Variants in TMEM178B observed in about 807,000 individuals in gnomAD.
TMEM178B encodes the protein transmembrane protein 178B.
Under a neutral mutation model 31.0 loss-of-function variants are expected in TMEM178B, and 5 were observed. The ratio of observed to expected loss-of-function variants is 0.16; its 90% CI spans 0.08 to 0.34. The LOEUF (loss-of-function observed/expected upper bound fraction) is 0.34, where lower values mean the gene tolerates loss of function less well. Among genes scored for constraint, TMEM178B ranks in the 10% least tolerant of loss-of-function variants. The pLI is 1.00. For synonymous variants in TMEM178B, 164 were observed against 164.0 expected, an observed-to-expected ratio of 1.00 and a Z score of 0.00; for missense variants, 275 against 400.3, an observed-to-expected ratio of 0.69 and a Z score of 2.67.
rs551567300 is a variant in TMEM178B, at chr7:141,094,177, GA to G, written c.382+19493del. Among the ~76,000 whole-genome samples the G allele has an allele frequency of 2.0e-5, 3 of 151,676 alleles. No individual in the cohort carries two copies. In the East Asian group the frequency reaches 5.8e-4, roughly 29 times the overall value. ...AGGGTTGAAGTAGGAAGGAAGGTGG[GA>G]AAAAAAAGATGGAAGGAAATGAACA... On this transcript the variant is annotated intron_variant, in intron 1 of 3. Coordinates refer to ENST00000565468, the MANE Select transcript of TMEM178B (RefSeq NM_001195278.2).
intron 2 of TMEM178B, chr7:141,431,030 G>C (rs937425590): frequency 2.0e-5 from 3 of 152,184 alleles, no homozygotes; most frequent in African/African-American, 7.2e-5. Flanking sequence ...CCATGGCTCT[G>C]CTGGCCTCCA....
rs1349238092 is a variant in TMEM178B, at chr7:141,475,607, C to G, written c.*4821C>G. ...CATGTGAGCAGTGTACACCACAGAA[C>G]CGCACTGGTCTGCGTTGAGTTGACC... On this transcript the variant is annotated 3_prime_UTR_variant, in exon 4 of 4. Transcript: ENST00000565468. 6.6e-6 allele frequency: 1 copy of G among 152,168 alleles called. No homozygotes were observed. The highest frequency in any genetic ancestry group is 2.4e-5 in the African/African-American group (1 of 41,428). 9.4% of individuals were successfully genotyped at this position (152,168 alleles called of 1,614,324 possible).
chr7:141,212,482 C>A, intron 1 of TMEM178B, 109 bp from the exon 2 acceptor site: 4 of 838,784 alleles, frequency 4.8e-6, no homozygotes, highest in South Asian at 1.6e-5. Context: ...TGTCACCAGG[C>A]CCAATATGAA....
At chr7:141,425,272 T>C (rs889238692) in intron 2 of TMEM178B, among the ~76,000 whole-genome samples, 1 of 152,148 alleles carries the variant, frequency 6.6e-6, no homozygotes, top group African/African-American at 2.4e-5. Context: ...AGGGTACCCA[T>C]GTGTTTTAAA....
chr7:141,462,080 A>G (rs557126098), intron 3 of TMEM178B, among the ~76,000 whole-genome samples: 1 of 152,280 alleles, frequency 6.6e-6, no homozygotes, highest in South Asian at 2.1e-4. Context: ...TGTCGTCACT[A>G]CAACACTACC....
intron 2 of TMEM178B, among the ~76,000 whole-genome samples, chr7:141,420,238 G>A (rs533395861): frequency 6.6e-6 from 1 of 151,804 alleles, no homozygotes; most frequent in Non-Finnish European, 1.5e-5. Flanking sequence ...CATGTAGTTT[G>A]TGTCTTTCTC....
rs752581703 is a variant in TMEM178B at position 141,422,055 on chromosome 7, C to T, written c.497-15553C>T. Among the ~76,000 whole-genome samples, 4 of 152,146 alleles carry T rather than the reference C, an allele frequency of 2.6e-5. No homozygotes were observed. The highest frequency in any genetic ancestry group is 4.4e-5 in the Non-Finnish European group (3 of 68,026). On this transcript the variant is annotated intron_variant, in intron 2 of 3. Transcript: ENST00000565468. This position sits in a 1 kb window ranked among gnomAD's most constrained non-coding sequence, Gnocchi z 4.2. ...TTTACATCTTCTCCCTTTCCCAGCT[C>T]GGGCTTGACATTTTCTTAGAAACCT... is the stretch of plus-strand genomic sequence containing the variant.
chr7:141,315,701 G>A (rs1798990281), intron 2 of TMEM178B, among the ~76,000 whole-genome samples: 1 of 151,882 alleles, frequency 6.6e-6, no homozygotes, highest in South Asian at 2.1e-4. Flanking sequence ...GCTCTTGAAG[G>A]CAAGAGCCTT....
Position 141,212,627 on chromosome 7 carries a change from A to G in TMEM178B, c.419A>G (p.Tyr140Cys). The G allele has an allele frequency of 6.5e-7, 1 of 1,535,712 alleles. No homozygotes were observed. Among genetic ancestry groups the G allele is most frequent in the Non-Finnish European group, 8.7e-7 (1 of 1,146,804 alleles). Residue 140 changes from tyrosine (Y) to cysteine (C), a missense_variant, in exon 2 of 4, where the codon TAC becomes TGC. Tyr to Cys is a radical substitution (Grantham distance 194, BLOSUM62 -2). Transcript: ENST00000565468. The part of the protein sequence containing the change: ...IERCTYIKYH[Y>C]SSATIPRNLT... ...CGATGTACGTACATCAAATACCACT[A>G]CTCCTCAGCAACCATCCCCAGGAAC...
chr7:141,099,301 G>A (rs1795014492), intron 1 of TMEM178B, among the ~76,000 whole-genome samples: 1 of 152,156 alleles, frequency 6.6e-6, no homozygotes, highest in Admixed American at 6.5e-5. Context: ...TGGAGACTAA[G>A]CTTTAGGGCA....
chr7:141,324,427 T>G lies in TMEM178B; in HGVS notation c.496+111723T>G, dbSNP rs1443699372. On this transcript the variant is annotated intron_variant, in intron 2 of 3. Coordinates refer to ENST00000565468, the MANE Select transcript of TMEM178B (RefSeq NM_001195278.2). ...GAGAGGAGACCAGGGTTTTTTTTTT[T>G]TTTTTTTTTTTTTTTTTTTTTTTTT... is the stretch of plus-strand genomic sequence containing the variant. Among the ~76,000 whole-genome samples, 10 of 51,448 alleles carry G rather than the reference T, an allele frequency of 1.9e-4. No homozygotes were observed. The East Asian group carries it at 2.8e-3, about 15-fold the overall frequency. 33.8% of individuals were successfully genotyped at this position (51,448 alleles called of 152,430 possible). A position where few individuals can be genotyped will look rare whatever the true frequency, so the allele number is the denominator to read the frequency against.
intron 1 of TMEM178B, among the ~76,000 whole-genome samples, chr7:141,156,486 T>G (rs1182001604): frequency 3.3e-5 from 5 of 152,170 alleles, no homozygotes; most frequent in Non-Finnish European, 5.9e-5. Context: ...GATTCAAAAA[T>G]GAAAAACGTC....
At chr7:141,179,187 A>G (rs1359441238) in intron 1 of TMEM178B, among the ~76,000 whole-genome samples, 1 of 152,238 alleles carries the variant, frequency 6.6e-6, no homozygotes, top group Non-Finnish European at 1.5e-5. Flanking sequence ...TAGAACTTGC[A>G]TAGCTTCTCT....
intron 2 of TMEM178B, among the ~76,000 whole-genome samples, chr7:141,310,185 C>T (rs1014336654): frequency 6.6e-6 from 1 of 152,052 alleles, no homozygotes; most frequent in African/African-American, 2.4e-5. Context: ...GCAATCTATC[C>T]ATCTGACAAA....
chr7:141,139,605 G>A (rs112869964), intron 1 of TMEM178B, among the ~76,000 whole-genome samples: 3,868 of 152,008 alleles, frequency 0.025, 175 homozygotes, highest in African/African-American at 0.089. Flanking sequence ...GCCTCCCAAA[G>A]TGCTGGGACT....
In TMEM178B at chr7:141,417,525, G is replaced by C. The variant is rs556105502; in HGVS notation, c.497-20083G>C. Among the ~76,000 whole-genome samples, 427 of 152,318 alleles carry C rather than the reference G, an allele frequency of 2.8e-3. 2 individuals carry two copies. The highest frequency in any genetic ancestry group is 9.6e-3 in the African/African-American group (399 of 41,572). On this transcript the variant is annotated intron_variant, in intron 2 of 3. Transcript: ENST00000565468. ...ATGAATGAATGAATGGGCACTAAGTGAGGGGTCCCACCCACGGTGATGCTA... is the reference window on the plus strand; with the variant it reads ...ATGAATGAATGAATGGGCACTAAGTCAGGGGTCCCACCCACGGTGATGCTA...
At position 141,246,672 on chromosome 7, in the gene TMEM178B, C is replaced by T. The variant is rs528049846; in HGVS notation, c.496+33968C>T. On this transcript the variant is annotated intron_variant, in intron 2 of 3. Coordinates refer to ENST00000565468, the MANE Select transcript of TMEM178B (RefSeq NM_001195278.2). ...TGTGGAGGCTGGAAAAGAGTGTGTG[C>T]AGGTAAGCAAAGGCGTAGAGGTGGG... Among the ~76,000 whole-genome samples the T allele has an allele frequency of 2.6e-5, 4 of 151,920 alleles. No individual in the cohort carries two copies. The East Asian group carries it at 7.7e-4, about 29-fold the overall frequency.
chr7:141,291,775 A>G (rs1365130974), intron 2 of TMEM178B, among the ~76,000 whole-genome samples: 1 of 152,234 alleles, frequency 6.6e-6, no homozygotes, highest in East Asian at 1.9e-4. Context: ...AGAAATTTTC[A>G]TCTTCTTACA....
chr7:141,439,232 G>A (rs1801611748), intron 3 of TMEM178B, among the ~76,000 whole-genome samples: 1 of 152,158 alleles, frequency 6.6e-6, no homozygotes, highest in Non-Finnish European at 1.5e-5. Context: ...GACAGGCAGG[G>A]TCTTTCCAAG....
Sources: gnomAD v4.1 joint callset for allele counts (sites outside exome capture counted in the v4.1 genomes callset) on GRCh38, gnomAD v4.1.1 for gene constraint, Gnocchi (gnomAD v3.1) non-coding constraint, MANE v1.5 for transcripts, NCBI Gene and HGNC (gene_info 2026-07-23, HGNC 2026-07-21) for gene names.